Variants in ME1 observed in about 807,000 individuals in gnomAD.
ME1 encodes malic enzyme 1, also known as NADP-dependent malic enzyme.
Under a neutral mutation model 66.4 loss-of-function variants are expected in ME1, and 74 were observed. That is an observed-to-expected ratio of 1.11 (90% CI 0.92 to 1.35). ME1 has a LOEUF of 1.35. Among genes scored for constraint, ME1 ranks in the 40% most tolerant of loss-of-function variants. The probability of loss-of-function intolerance (pLI) is 0.00; values close to 1 mark genes in which losing one functional copy is unlikely to be tolerated. For synonymous variants in ME1, 251 were observed against 235.6 expected (o/e 1.07, Z -0.60); for missense variants, 750 against 694.1 (o/e 1.08, Z -0.90).
chr6:83,430,638 A>G (rs546419775), intron 1 of ME1, among the ~76,000 whole-genome samples: 7 of 152,296 alleles, frequency 4.6e-5, no homozygotes, highest in African/African-American at 1.7e-4. Flanking sequence ...TATCCCTAAC[A>G]TGGGATGCCG....
At chr6:83,427,600 C>CA (rs1157872338) in intron 1 of ME1, among the ~76,000 whole-genome samples, 5 of 151,864 alleles carry the variant, frequency 3.3e-5, no homozygotes, top group African/African-American at 1.2e-4. Flanking sequence ...TGTTTAAAGA[C>CA]AAAAATAAAG....
Position 83,357,902 on chromosome 6 carries a change from C to CTCTCTCTCTCT in ME1, c.363-5764_363-5763insAGAGAGAGAGA, listed in dbSNP as rs1768921889. Among the ~76,000 whole-genome samples, 20 of 31,556 alleles carry CTCTCTCTCTCT rather than the reference C, an allele frequency of 6.3e-4. 2 individuals are homozygous for CTCTCTCTCTCT. Among genetic ancestry groups the CTCTCTCTCTCT allele is most frequent in the East Asian group, 3.7e-3 (3 of 802 alleles). The allele number at this position is 31,556 out of a possible 152,430, so 20.7% of individuals were successfully genotyped here. ...TGTTAGTTAATACTTAATAAACTCC[C>CTCTCTCTCTCT]CTCTCTCTCTCTCTCTCTCTCTCTC... is the stretch of plus-strand genomic sequence containing the variant. On this transcript the variant is annotated intron_variant, in intron 3 of 13. Transcript: ENST00000369705.
At chr6:83,283,404 C>T (rs1767342327) in intron 6 of ME1, among the ~76,000 whole-genome samples, 1 of 151,424 alleles carries the variant, frequency 6.6e-6, no homozygotes, top group Non-Finnish European at 1.5e-5. Context: ...GGTAACATCA[C>T]ACACCAGGAC....
rs577207205 is a variant in ME1 at position 83,312,434 on chromosome 6, C to A, written c.704+2876G>T. On this transcript the variant is annotated intron_variant, in intron 6 of 13. Transcript: ENST00000369705. Reference sequence around the variant, plus strand: ...AAGTGCCACAAGACCCATATCAAATCCTCAGCCTGTGAGTGAAGAGCTCTC... The same window carrying A: ...AAGTGCCACAAGACCCATATCAAATACTCAGCCTGTGAGTGAAGAGCTCTC... Among the ~76,000 whole-genome samples the A allele has an allele frequency of 2.0e-5, 3 of 152,246 alleles. No homozygotes were observed. The East Asian group carries it at 5.8e-4, about 29-fold the overall frequency.
Position 83,412,601 on chromosome 6 carries a change from G to A in ME1, c.79-4700C>T, listed in dbSNP as rs1382093840. 5.3e-5 allele frequency among the ~76,000 whole-genome samples: 8 copies of A among 152,124 alleles called. No individual in the cohort carries two copies. The East Asian group carries it at 1.2e-3, about 22-fold the overall frequency. ...TTGCAAATAATTTGAAACAACAAAA[G>A]TCCTTCAACTAGTAAATGGATAAAA... On this transcript the variant is annotated intron_variant, in intron 1 of 13. Transcript: ENST00000369705.
intron 11 of ME1, among the ~76,000 whole-genome samples, chr6:83,225,519 T>C (rs1371706540): frequency 1.3e-5 from 2 of 151,998 alleles, no homozygotes; most frequent in Non-Finnish European, 2.9e-5. Flanking sequence ...TTAGCAAATG[T>C]CATAATATAC....
chr6:83,270,348 T>C (rs956574317), intron 6 of ME1, among the ~76,000 whole-genome samples: 27 of 152,168 alleles, frequency 1.8e-4, no homozygotes, highest in African/African-American at 6.3e-4. Flanking sequence ...CCCAGATTTC[T>C]TGTTAAACGA....
At chr6:83,393,160 C>A (rs2152183) in intron 3 of ME1, 351,001 of 1,276,970 alleles carry the variant, frequency 0.27, 51,893 homozygotes, top group Admixed American at 0.39. Flanking sequence ...GAAAAACCTA[C>A]CAAATATGAT....
intron 6 of ME1, among the ~76,000 whole-genome samples, chr6:83,291,519 G>T (rs1767502514): frequency 6.6e-6 from 1 of 152,162 alleles, no homozygotes; most frequent in Non-Finnish European, 1.5e-5. Context: ...CCCTTTGTGG[G>T]TAACCCAACC....
intron 3 of ME1, among the ~76,000 whole-genome samples, chr6:83,385,708 A>G (rs1769491854): frequency 4.0e-5 from 6 of 151,896 alleles, no homozygotes; most frequent in Admixed American, 3.9e-4. Flanking sequence ...ATTTTTCCTC[A>G]TTAAGGCAAT....
At chr6:83,237,263 GAA>G (rs1252408655) in intron 9 of ME1, among the ~76,000 whole-genome samples, 3 of 84,512 alleles carry the variant, frequency 3.5e-5, no homozygotes, top group African/African-American at 1.1e-4. Context: ...AAGAAAGAAA[GAA>G]AGAAAGAAAG....
intron 6 of ME1, among the ~76,000 whole-genome samples, chr6:83,305,684 T>G (rs1257342046): frequency 6.6e-6 from 1 of 152,064 alleles, no homozygotes; most frequent in East Asian, 1.9e-4. Context: ...TATAAGGACT[T>G]TGGCTTTCAT....
intron 1 of ME1, among the ~76,000 whole-genome samples, chr6:83,421,118 A>C (rs1270147039): frequency 6.6e-6 from 1 of 152,088 alleles, no homozygotes; most frequent in Non-Finnish European, 1.5e-5. Flanking sequence ...GCACAAATGA[A>C]GTATGTAGAT....
At chr6:83,355,316 G>T (rs1260815361) in intron 3 of ME1, among the ~76,000 whole-genome samples, 1 of 152,154 alleles carries the variant, frequency 6.6e-6, no homozygotes, top group African/African-American at 2.4e-5. Flanking sequence ...AGCTTGCACA[G>T]TGGTCAAGTC....
At chr6:83,420,543 T>C (rs962978511) in intron 1 of ME1, among the ~76,000 whole-genome samples, 2 of 152,234 alleles carry the variant, frequency 1.3e-5, no homozygotes, top group African/African-American at 4.8e-5. Flanking sequence ...TTTTGTTATA[T>C]GTAGCAAAAC....
At chr6:83,284,305 C>T (rs1263571161) in intron 6 of ME1, among the ~76,000 whole-genome samples, 1 of 151,988 alleles carries the variant, frequency 6.6e-6, no homozygotes, top group Admixed American at 6.6e-5. Context: ...CAAATTCTAC[C>T]AGATGTACAA....
chr6:83,281,476 G>A (rs541531388), intron 6 of ME1, among the ~76,000 whole-genome samples: 36 of 151,974 alleles, frequency 2.4e-4, no homozygotes, highest in Admixed American at 3.3e-4. Flanking sequence ...TTTACTACAG[G>A]GCTTACTGAA....
chr6:83,317,796 A>G (rs1768064633), intron 5 of ME1, among the ~76,000 whole-genome samples: 1 of 152,102 alleles, frequency 6.6e-6, no homozygotes, highest in East Asian at 1.9e-4. Context: ...AATTGGAAAA[A>G]ACTACTTTAA....
rs924370726 is a variant in ME1, at chr6:83,224,030, T to A, written c.1276-97A>T. 5.5e-6 allele frequency: 6 copies of A among 1,095,294 alleles called. No individual in the cohort carries two copies. The Admixed American group carries it at 1.6e-4, about 29-fold the overall frequency. The allele number at this position is 1,095,294 out of a possible 1,614,324, so 67.8% of individuals were successfully genotyped here. On this transcript the variant is annotated intron_variant, in intron 11 of 13. Coordinates refer to ENST00000369705, the MANE Select transcript of ME1 (RefSeq NM_002395.6). ...ACTACCCCACAGCCTAAATTATAAG[T>A]ACTTAGAAAGAAGTCTAGTTTTTTA...
Sources: gnomAD v4.1 joint callset for allele counts (sites outside exome capture counted in the v4.1 genomes callset) on GRCh38, gnomAD v4.1.1 for gene constraint, MANE v1.5 for transcripts, NCBI Gene and HGNC (gene_info 2026-07-23, HGNC 2026-07-21) for gene names.